Variants in GLIS3 observed in about 807,000 individuals in gnomAD.
GLIS3 encodes the protein zinc finger protein GLIS3.
GLIS3 carries 53 observed loss-of-function variants against 78.6 expected under a neutral mutation model. The observed-to-expected ratio is 0.67, with a 90% CI of 0.54 to 0.85. The LOEUF is 0.85. Ranked by LOEUF, GLIS3 falls within the 40% of genes least tolerant of loss-of-function variation. GLIS3 has a pLI of 0.00. For missense variants in GLIS3, 1,703 were observed against 1,231.1 expected (o/e 1.38, Z -5.74); for synonymous variants, 684 against 509.9 (o/e 1.34, Z -4.60).
chr9:4,058,190 G>T (rs1407770701), intron 4 of GLIS3, among the ~76,000 whole-genome samples: 1 of 151,896 alleles, frequency 6.6e-6, no homozygotes, highest in Non-Finnish European at 1.5e-5. Flanking sequence ...CTAGCTTCTT[G>T]GGTCACTGAT....
At chr9:4,484,667 T>C in the GLIS3 span, among the ~76,000 whole-genome samples, 1 of 152,132 alleles carries the variant, frequency 6.6e-6, no homozygotes, top group South Asian at 2.1e-4. Context: ...TCCACCCACC[T>C]TGGCCTCCCA....
intron 4 of GLIS3, among the ~76,000 whole-genome samples, chr9:4,091,077 G>A (rs1265456675): frequency 6.6e-6 from 1 of 152,156 alleles, no homozygotes; most frequent in Non-Finnish European, 1.5e-5. Context: ...GTTTGAGGCT[G>A]GGCATGGTGG....
chr9:4,447,352 G>A, the GLIS3 span, among the ~76,000 whole-genome samples: 1 of 152,124 alleles, frequency 6.6e-6, no homozygotes, highest in Non-Finnish European at 1.5e-5. Flanking sequence ...GCCTGATACA[G>A]GAGTGAGCCA....
chr9:4,099,720 T>C (rs1262409582), intron 4 of GLIS3, among the ~76,000 whole-genome samples: 1 of 152,240 alleles, frequency 6.6e-6, no homozygotes, highest in Non-Finnish European at 1.5e-5. Flanking sequence ...TCTATTGGTT[T>C]CTGTTTTGCA....
At chr9:4,385,745 GAAAGAAAGAAAGAAAGAA>G in the GLIS3 span, among the ~76,000 whole-genome samples, 12 of 31,352 alleles carry the variant, frequency 3.8e-4, 3 homozygotes, top group East Asian at 1.6e-3. Context: ...GAAAAAGAAA[GAAAGAAAGAAAGAAAGAA>G]AGAAAGAAAG....
chr9:3,960,069 G>T (rs893166034), intron 4 of GLIS3, among the ~76,000 whole-genome samples: 3 of 152,124 alleles, frequency 2.0e-5, no homozygotes, highest in African/African-American at 7.2e-5. Flanking sequence ...CCGAGGAGGC[G>T]GAGGTTGCAG....
Position 3,828,159 on chromosome 9 carries a change from A to G in GLIS3, c.*113T>C. ...TCTGAAAGAACATCAGTAACTCTGC[A>G]GGGCCCGCTGATTGGGCTGACATCC... On this transcript the variant is annotated 3_prime_UTR_variant, in exon 11 of 11. Coordinates refer to ENST00000381971, the MANE Select transcript of GLIS3 (RefSeq NM_001042413.2). 8.1e-7 allele frequency: 1 copy of G among 1,235,816 alleles called. No individual in the cohort carries two copies. The highest frequency in any genetic ancestry group is 1.2e-6 in the Non-Finnish European group (1 of 847,646). The allele number at this position is 1,235,816 out of a possible 1,614,324, so 76.6% of individuals were successfully genotyped here.
chr9:3,976,074 G>T (rs1818761484), intron 4 of GLIS3, among the ~76,000 whole-genome samples: 1 of 151,950 alleles, frequency 6.6e-6, no homozygotes, highest in Admixed American at 6.6e-5. Flanking sequence ...AGGGAAATCA[G>T]GCACATTTGG....
intron 2 of GLIS3, among the ~76,000 whole-genome samples, chr9:4,136,563 G>A (rs766791104): frequency 6.6e-6 from 1 of 152,162 alleles, no homozygotes; most frequent in East Asian, 1.9e-4. Flanking sequence ...ATTTGTTTAG[G>A]GAGGTTTTTC....
chr9:3,924,015 C>T (rs1276328818), intron 6 of GLIS3, among the ~76,000 whole-genome samples: 1 of 152,232 alleles, frequency 6.6e-6, no homozygotes, highest in African/African-American at 2.4e-5. Flanking sequence ...CACAGCCATC[C>T]ATGGGCCTTT....
chr9:4,083,664 A>C (rs1000012220), intron 4 of GLIS3, among the ~76,000 whole-genome samples: 5 of 152,164 alleles, frequency 3.3e-5, no homozygotes, highest in Non-Finnish European at 5.9e-5. Flanking sequence ...GTGTATGACA[A>C]TGTTTAAGAG....
chr9:4,341,461 T>C (rs1817833832), intron 2 of GLIS3, among the ~76,000 whole-genome samples: 1 of 152,250 alleles, frequency 6.6e-6, no homozygotes, highest in South Asian at 2.1e-4. Flanking sequence ...TCATTTCACA[T>C]TCAAGGTCAC....
chr9:4,457,238 G>A, the GLIS3 span, among the ~76,000 whole-genome samples: 1 of 151,922 alleles, frequency 6.6e-6, no homozygotes. Flanking sequence ...GCACACACTT[G>A]TAGTCCCAGC....
At chr9:3,957,595 G>C (rs1384773417) in intron 4 of GLIS3, among the ~76,000 whole-genome samples, 2 of 152,314 alleles carry the variant, frequency 1.3e-5, no homozygotes, top group East Asian at 1.9e-4. Flanking sequence ...GGCAACACTA[G>C]AGAACAGTGA....
intron 2 of GLIS3, among the ~76,000 whole-genome samples, chr9:4,312,070 C>T (rs1267308360): frequency 1.3e-5 from 2 of 152,166 alleles, no homozygotes; most frequent in Admixed American, 6.5e-5. Flanking sequence ...ACAATTTGTA[C>T]AACAAACCCG....
upstream of GLIS3, among the ~76,000 whole-genome samples, chr9:4,300,268 A>G (rs1056309073): frequency 2.0e-5 from 3 of 152,050 alleles, no homozygotes; most frequent in Admixed American, 1.3e-4. Flanking sequence ...CCAGAAGTCG[A>G]GGAACTCCAG....
At chr9:4,131,185 T>C (rs986403417) in intron 2 of GLIS3, among the ~76,000 whole-genome samples, 6 of 152,190 alleles carry the variant, frequency 3.9e-5, no homozygotes, top group African/African-American at 1.4e-4. Context: ...AATTAACTTG[T>C]TTTTTGATTT....
chr9:4,333,463 T>A (rs998268412), intron 2 of GLIS3, among the ~76,000 whole-genome samples: 4 of 152,180 alleles, frequency 2.6e-5, no homozygotes, highest in African/African-American at 9.7e-5. Context: ...AATAATCTAA[T>A]CTTAAAACAG....
At chr9:3,888,435 T>C (rs546342123) in intron 7 of GLIS3, among the ~76,000 whole-genome samples, 7 of 152,314 alleles carry the variant, frequency 4.6e-5, no homozygotes, top group African/African-American at 9.6e-5. Context: ...ATTTTTAGCA[T>C]AGACAGCCAA....
Sources: allele counts gnomAD v4.1 joint callset (sites outside exome capture counted in the v4.1 genomes callset), GRCh38; gene constraint gnomAD v4.1.1; transcripts MANE v1.5; gene names NCBI Gene and HGNC (gene_info 2026-07-23, HGNC 2026-07-21).